The following ZNF2 variants were observed in gnomAD, a reference collection of about 807,000 sequenced individuals.
The protein encoded by ZNF2 is zinc finger protein 2.
In ZNF2, 12 loss-of-function variants were observed where a neutral mutation model predicts 21.9. The ratio of observed to expected loss-of-function variants is 0.55; its 90% CI spans 0.35 to 0.89. ZNF2 has a LOEUF of 0.89. ZNF2 is among the 40% of genes least tolerant of loss of function. ZNF2 has a pLI of 0.01. For synonymous variants in ZNF2, 186 were observed against 196.3 expected, an observed-to-expected ratio of 0.95 and a Z score of 0.44; for missense variants, 462 against 544.2, an observed-to-expected ratio of 0.85 and a Z score of 1.50.
intron 1 of ZNF2, among the ~76,000 whole-genome samples, chr2:95,167,450 G>A (rs1458820901): frequency 6.8e-6 from 1 of 147,772 alleles, no homozygotes; most frequent in Non-Finnish European, 1.5e-5. Context: ...AGCTTGCAGT[G>A]AGCCAAGATT....
chr2:95,178,161 G>A (rs1360684692), intron 3 of ZNF2, among the ~76,000 whole-genome samples: 1 of 152,190 alleles, frequency 6.6e-6, no homozygotes, highest in African/African-American at 2.4e-5. Context: ...ATAGAGACTT[G>A]TGTGACAAAG....
chr2:95,181,006 G>C (rs968411004), intron 4 of ZNF2, 97 bp from the exon 5 acceptor site: 70 of 1,407,950 alleles, frequency 5.0e-5, no homozygotes, highest in Middle Eastern at 1.8e-4. Flanking sequence ...GCAATGCAGT[G>C]ACCATACATT....
At chr2:95,176,082 G>C in intron 1 of ZNF2, 106 bp from the exon 2 acceptor site, 1 of 986,318 alleles carries the variant, frequency 1.0e-6, no homozygotes, top group South Asian at 1.3e-5. Context: ...GTAAGGTATT[G>C]AGGATGACAT....
At chr2:95,180,014 G>A (rs558180535) in intron 3 of ZNF2, 145 bp from the exon 4 acceptor site, 263 of 604,312 alleles carry the variant, frequency 4.4e-4, no homozygotes, top group Non-Finnish European at 6.8e-4. Context: ...CCGAGATCAG[G>A]CCACAGCATT....
chr2:95,171,507 C>G (rs1335635293), intron 1 of ZNF2, among the ~76,000 whole-genome samples: 1 of 151,886 alleles, frequency 6.6e-6, no homozygotes. Flanking sequence ...CTCAGCCTCC[C>G]AAGTAGCTGG....
Position 95,182,237 on chromosome 2 carries a change from G to T in ZNF2, c.*131G>T, listed in dbSNP as rs780507945. On this transcript the variant is annotated 3_prime_UTR_variant, in exon 5 of 5. Coordinates refer to ENST00000614034, the MANE Select transcript of ZNF2 (RefSeq NM_021088.4). ...TGTCCTGTCCTGCTTCTGCGCCAGA[G>T]TGTTTAATAAGCACTCCCTTCCTGC... is the stretch of plus-strand genomic sequence containing the variant. The T allele has an allele frequency of 1.7e-6, 2 of 1,188,258 alleles. No individual in the cohort carries two copies. The highest frequency in any genetic ancestry group is 2.3e-6 in the Non-Finnish European group (2 of 858,932). 73.6% of individuals were successfully genotyped at this position (1,188,258 alleles called of 1,614,324 possible).
At chr2:95,179,797 C>T (rs1048007885) in intron 3 of ZNF2, among the ~76,000 whole-genome samples, 1 of 152,240 alleles carries the variant, frequency 6.6e-6, no homozygotes, top group Non-Finnish European at 1.5e-5. Flanking sequence ...TGGCTCATGC[C>T]TGTAATCCCA....
In ZNF2 at chr2:95,181,817, G is replaced by C. The variant is rs778631924; in HGVS notation, c.989G>C (p.Arg330Thr). ...KAFYGVSSLN[R>T]HQKAHAGDPR... ...TTCTATGGTGTCTCGTCTCTGAATA[G>C]ACATCAGAAAGCTCATGCTGGGGAC... The change falls in exon 5 of 5, where the codon AGA (arginine) becomes ACA (threonine). Residue 330 changes from arginine (R) to threonine (T), a missense_variant. By Grantham distance (71) the Arg-to-Thr change is moderately conservative. Coordinates refer to ENST00000614034, the MANE Select transcript of ZNF2 (RefSeq NM_021088.4). 1 of 1,614,080 alleles carries C rather than the reference G, an allele frequency of 6.2e-7. No individual in the cohort carries two copies. Among genetic ancestry groups the C allele is most frequent in the African/African-American group, 1.3e-5 (1 of 74,916 alleles).
chr2:95,180,952 G>C, intron 4 of ZNF2, 151 bp from the exon 5 acceptor site: 1 of 898,204 alleles, frequency 1.1e-6, no homozygotes, highest in Non-Finnish European at 1.7e-6. Flanking sequence ...TTCACTCCCA[G>C]GTCTTAGTCC....
rs187423674 is a variant in ZNF2 at position 95,180,921 on chromosome 2, A to G, written c.275-182A>G. 6.7e-4 allele frequency: 459 copies of G among 688,298 alleles called. 6 individuals are homozygous for G. In the East Asian group the frequency reaches 0.011, roughly 17 times the overall value. 42.6% of individuals were successfully genotyped at this position (688,298 alleles called of 1,614,324 possible). A position where few individuals can be genotyped will look rare whatever the true frequency, so the allele number is the denominator to read the frequency against. On this transcript the variant is annotated intron_variant, in intron 4 of 4. Coordinates refer to ENST00000614034, the MANE Select transcript of ZNF2 (RefSeq NM_021088.4). ...CTGTTTTCTGAGGTGTCCACCATCCATTCTGTTCCCTGCCACCTTCTTCAC... is the reference window on the plus strand; with the variant it reads ...CTGTTTTCTGAGGTGTCCACCATCCGTTCTGTTCCCTGCCACCTTCTTCAC...
intron 1 of ZNF2, among the ~76,000 whole-genome samples, chr2:95,167,505 CAAAAAAAAAAAAAAA>C (rs756206050): frequency 2.2e-5 from 1 of 44,950 alleles, no homozygotes; most frequent in Non-Finnish European, 4.8e-5. Context: ...GACTCAGTCT[CAAAAAAAAAAAAAAA>C]AAAAAAGAAA....
intron 3 of ZNF2, 141 bp from the exon 4 acceptor site, chr2:95,180,018 C>T (rs1245519811): frequency 1.8e-5 from 11 of 612,096 alleles, no homozygotes; most frequent in Non-Finnish European, 2.6e-5. Flanking sequence ...GATCAGGCCA[C>T]AGCATTCCAG....
rs1674490664 is a variant in ZNF2 at position 95,177,580 on chromosome 2, T to A, written c.131T>A (p.Leu44Gln). The change falls in exon 3 of 5, where the codon CTG becomes CAG. Residue 44 changes from leucine to glutamine, a missense_variant. By Grantham distance (113) the Leu-to-Gln change is moderately radical (BLOSUM62 -2). Coordinates refer to ENST00000614034, the MANE Select transcript of ZNF2 (RefSeq NM_021088.4). Reference protein sequence around the residue: ...IQRDLYKEVMLENYNSIVSLG... With the variant: ...IQRDLYKEVMQENYNSIVSLG... The stretch of plus-strand genomic sequence containing the variant: ...AGGGACCTCTACAAGGAGGTGATGC[T>A]GGAGAACTATAACAGCATTGTGTCA... 2 of 1,614,044 alleles carry A rather than the reference T, an allele frequency of 1.2e-6. No homozygotes were observed. Among genetic ancestry groups the A allele is most frequent in the Non-Finnish European group, 8.5e-7 (1 of 1,179,956 alleles).
rs773941682 is a variant in ZNF2, at chr2:95,181,766, A to T, written c.938A>T (p.Tyr313Phe). 1.9e-6 allele frequency: 3 copies of T among 1,614,218 alleles called. No homozygotes were observed. In the Admixed American group the frequency reaches 5.0e-5, roughly 27 times the overall value. The change falls in exon 5 of 5, where the codon TAT (tyrosine) becomes TTT (phenylalanine). Residue 313 changes from tyrosine (Y) to phenylalanine (F), a missense_variant. By Grantham distance (22) the Tyr-to-Phe change is conservative. Transcript: ENST00000614034. ...HQLIHTGRKP[Y>F]ECNECGKAFY... ...CTAATCCACACTGGCAGGAAGCCTT[A>T]TGAGTGTAACGAGTGCGGGAAAGCT...
rs1186633604 is a variant in ZNF2, at chr2:95,181,257, G to A, written c.429G>A (p.Gly143=). 1.2e-6 allele frequency: 2 copies of A among 1,614,082 alleles called. No individual in the cohort carries two copies. The highest frequency in any genetic ancestry group is 4.5e-5 in the East Asian group (2 of 44,892). ...GAACAGAAAAGCAAAGCCCTTCAGGGGAGACTCGTAAGAAATCCCTCTCCC... is the reference window on the plus strand; with the variant it reads ...GAACAGAAAAGCAAAGCCCTTCAGGAGAGACTCGTAAGAAATCCCTCTCCC... ...RMGTEKQSPS[G]ETRKKSLSRD... The change falls in exon 5 of 5, where the codon GGG becomes GGA. Residue 143 remains glycine (G), a synonymous_variant. Transcript: ENST00000614034.
At chr2:95,180,939 T>A in intron 4 of ZNF2, 164 bp from the exon 5 acceptor site, 1 of 787,974 alleles carries the variant, frequency 1.3e-6, no homozygotes, top group Non-Finnish European at 2.0e-6. Context: ...CCCTGCCACC[T>A]TCTTCACTCC....
chr2:95,173,386 T>C (rs1674346342), intron 1 of ZNF2, among the ~76,000 whole-genome samples: 1 of 152,222 alleles, frequency 6.6e-6, no homozygotes, highest in Non-Finnish European at 1.5e-5. Context: ...TAATGCCACC[T>C]CAGTCATACA....
chr2:95,176,281 C>T (rs773161449), intron 2 of ZNF2, 22 bp downstream of exon 2: 2 of 1,614,112 alleles, frequency 1.2e-6, no homozygotes, highest in Admixed American at 3.3e-5. Flanking sequence ...TTTTGTGTTC[C>T]CGAAATACTC....
intron 3 of ZNF2, among the ~76,000 whole-genome samples, 158 bp downstream of exon 3, chr2:95,177,767 G>A (rs949991060): frequency 1.3e-5 from 2 of 152,266 alleles, no homozygotes; most frequent in South Asian, 2.1e-4. Flanking sequence ...CAGCAACGGC[G>A]GGCTCAATAC....
Sources: allele counts gnomAD v4.1 joint callset (sites outside exome capture counted in the v4.1 genomes callset), GRCh38; gene constraint gnomAD v4.1.1; transcripts MANE v1.5; gene names NCBI Gene and HGNC (gene_info 2026-07-23, HGNC 2026-07-21).